PCBP3: variants seen among roughly 807,000 people sequenced by gnomAD.
PCBP3 encodes the protein poly(rC) binding protein 3.
A neutral mutation model predicts 52.7 loss-of-function variants in PCBP3; 25 were observed. The observed-to-expected ratio is 0.47, with a 90% CI of 0.35 to 0.66. The LOEUF is 0.66. Ranked by LOEUF, PCBP3 falls within the 30% of genes least tolerant of loss-of-function variation. PCBP3 has a pLI of 0.01. For missense variants in PCBP3, 391 were observed against 490.3 expected, an observed-to-expected ratio of 0.80 and a Z score of 1.91; for synonymous variants, 162 against 183.0, an observed-to-expected ratio of 0.89 and a Z score of 0.93.
chr21:45,878,952 T>C (rs1439198599), intron 5 of PCBP3, among the ~76,000 whole-genome samples: 1 of 152,018 alleles, frequency 6.6e-6, no homozygotes, highest in Non-Finnish European at 1.5e-5. Flanking sequence ...AATGGAAAAA[T>C]AGGAACTCTA....
chr21:45,739,160 C>T lies in PCBP3; in HGVS notation c.-162+3731C>T, dbSNP rs112485701. ...CAGCCCACCCCTTCCTGTCCATTGTCCTCTGGGTGGCCCTCCCCCATCTTC... is the reference window on the plus strand; with the variant it reads ...CAGCCCACCCCTTCCTGTCCATTGTTCTCTGGGTGGCCCTCCCCCATCTTC... On this transcript the variant is annotated intron_variant, in intron 3 of 17. Coordinates refer to ENST00000681687, the MANE Select transcript of PCBP3 (RefSeq NM_001384156.1). Among the ~76,000 whole-genome samples the T allele has an allele frequency of 3.6e-5, 4 of 110,762 alleles. No individual in the cohort carries two copies. In the South Asian group the frequency reaches 1.5e-3, roughly 42 times the overall value. 72.7% of individuals were successfully genotyped at this position (110,762 alleles called of 152,430 possible). A position where few individuals can be genotyped will look rare whatever the true frequency, so the allele number is the denominator to read the frequency against.
intron 5 of PCBP3, among the ~76,000 whole-genome samples, chr21:45,876,512 G>A (rs2095261001): frequency 6.6e-6 from 1 of 152,168 alleles, no homozygotes; most frequent in Non-Finnish European, 1.5e-5. Context: ...GGAGCAGGCT[G>A]TTCAGAATGC....
rs1603445171 is a variant in PCBP3 at position 45,827,123 on chromosome 21, G to A, written c.-125-22838G>A. 6.6e-6 allele frequency among the ~76,000 whole-genome samples: 1 copy of A among 152,120 alleles called. No individual in the cohort carries two copies. Among genetic ancestry groups the A allele is most frequent in the Admixed American group, 6.5e-5 (1 of 15,274 alleles). ...ACTCCCGCGTCCCTGGGGACCACACGGGGACTGGAGCTCCCTACCTGCTCA... is the reference window on the plus strand; with the variant it reads ...ACTCCCGCGTCCCTGGGGACCACACAGGGACTGGAGCTCCCTACCTGCTCA... On this transcript the variant is annotated intron_variant, in intron 4 of 17. Coordinates refer to ENST00000681687, the MANE Select transcript of PCBP3 (RefSeq NM_001384156.1). This position sits in a 1 kb window ranked among gnomAD's most constrained non-coding sequence, Gnocchi z 4.3.
At chr21:45,912,476 C>A (rs1411673799) in intron 11 of PCBP3, among the ~76,000 whole-genome samples, 2 of 152,160 alleles carry the variant, frequency 1.3e-5, no homozygotes, top group Non-Finnish European at 2.9e-5. Flanking sequence ...AGTGGGCATG[C>A]CTCACCTCAC....
At chr21:45,794,076 A>T (rs963462973) in intron 4 of PCBP3, among the ~76,000 whole-genome samples, 1 of 152,214 alleles carries the variant, frequency 6.6e-6, no homozygotes, top group Non-Finnish European at 1.5e-5. Flanking sequence ...AATCTCAAGC[A>T]TATGTATCTG....
intron 2 of PCBP3, among the ~76,000 whole-genome samples, chr21:45,696,574 T>C (rs1382908120): frequency 6.6e-6 from 1 of 151,958 alleles, no homozygotes; most frequent in East Asian, 1.9e-4. Context: ...GGGTGGATCA[T>C]GAGGTCAAGA....
At chr21:45,752,935 A>G (rs2087663436) in intron 3 of PCBP3, 1 of 147,670 alleles carries the variant, frequency 6.8e-6, no homozygotes, top group African/African-American at 2.5e-5. Flanking sequence ...GGAGTTCAAG[A>G]CAAACCTAGG....
rs568823708 is a variant in PCBP3 at position 45,833,476 on chromosome 21, A to C, written c.-125-16485A>C. Among the ~76,000 whole-genome samples the C allele has an allele frequency of 3.3e-5, 5 of 152,276 alleles. No individual in the cohort carries two copies. In the South Asian group the frequency reaches 1.0e-3, roughly 32 times the overall value. ...TGCATGCCAGGCTCAGAACTTTCCC[A>C]CGTTGGCCCCTGGCAGCTTATTCAC... On this transcript the variant is annotated intron_variant, in intron 4 of 17. Transcript: ENST00000681687.
chr21:45,787,845 A>G (rs928447572), intron 4 of PCBP3, among the ~76,000 whole-genome samples: 7 of 152,254 alleles, frequency 4.6e-5, no homozygotes, highest in African/African-American at 1.7e-4. Context: ...TATTTCTGCT[A>G]TAACTGAGGA....
At chr21:45,757,067 T>C (rs191916539) in intron 4 of PCBP3, among the ~76,000 whole-genome samples, 1 of 152,366 alleles carries the variant, frequency 6.6e-6, no homozygotes. Context: ...TGTAGTGTCA[T>C]ATCTTAACTC....
chr21:45,746,640 C>T (rs1394602518), intron 3 of PCBP3, among the ~76,000 whole-genome samples: 1 of 58,248 alleles, frequency 1.7e-5, no homozygotes, highest in Non-Finnish European at 3.4e-5. Context: ...GTGTCAGCAT[C>T]GCCGTGTCAG....
Position 45,646,107 on chromosome 21 carries a change from CTGTGTGTGTGTG to C in PCBP3, c.-279+2267_-279+2278del, listed in dbSNP as rs765931494. On this transcript the variant is annotated intron_variant, in intron 1 of 17. Transcript: ENST00000681687. ...TTTCTCTCTCTCTCTCTCTCTCTCT[CTGTGTGTGTGTG>C]TGTGTGTGTGTGTGTGTGTGTGTGT... is the stretch of plus-strand genomic sequence containing the variant. Among the ~76,000 whole-genome samples, 588 of 83,772 alleles carry C rather than the reference CTGTGTGTGTGTG, an allele frequency of 7.0e-3. 3 individuals are homozygous for C. Among genetic ancestry groups the C allele is most frequent in the African/African-American group, 0.027 (561 of 20,960 alleles). 55.0% of individuals were successfully genotyped at this position (83,772 alleles called of 152,430 possible).
At chr21:45,916,199 C>T (rs116302816) in intron 12 of PCBP3, 145 of 152,412 alleles carry the variant, frequency 9.5e-4, no homozygotes, top group African/African-American at 3.3e-3. Flanking sequence ...TGGTTCAGCT[C>T]AGACAGTTGG....
intron 2 of PCBP3, among the ~76,000 whole-genome samples, chr21:45,725,704 C>CA (rs1273551195): frequency 6.6e-6 from 1 of 152,164 alleles, no homozygotes; most frequent in Non-Finnish European, 1.5e-5. Context: ...GCACATGCTA[C>CA]ATGGAGAGCA....
At position 45,704,867 on chromosome 21, in the gene PCBP3, T is replaced by C. The variant is rs1216438128; in HGVS notation, c.-199-30525T>C. Among the ~76,000 whole-genome samples, 1 of 152,216 alleles carries C rather than the reference T, an allele frequency of 6.6e-6. No homozygotes were observed. Among genetic ancestry groups the C allele is most frequent in the Non-Finnish European group, 1.5e-5 (1 of 68,034 alleles). ...AGGTAGACGACACAGGGCGCTGCTG[T>C]CTGCTGAATACATGATGGCAGTTGA... On this transcript the variant is annotated intron_variant, in intron 2 of 17. Transcript: ENST00000681687. This position sits in a 1 kb window ranked among gnomAD's most constrained non-coding sequence, Gnocchi z 4.1.
chr21:45,873,532 TA>T (rs1261607099), intron 5 of PCBP3, among the ~76,000 whole-genome samples: 1 of 152,112 alleles, frequency 6.6e-6, no homozygotes, highest in Non-Finnish European at 1.5e-5. Flanking sequence ...CAGCTCTGTG[TA>T]AATGGTGTCC....
chr21:45,756,883 A>G (rs2088102750), intron 4 of PCBP3, among the ~76,000 whole-genome samples: 1 of 152,090 alleles, frequency 6.6e-6, no homozygotes, highest in Non-Finnish European at 1.5e-5. Flanking sequence ...GATGGACCAC[A>G]TTTTGTTTAT....
At chr21:45,751,577 T>C (rs73907870) in intron 3 of PCBP3, 3,426 of 152,484 alleles carry the variant, frequency 0.022, 121 homozygotes, top group East Asian at 0.12. Context: ...GGTGGGATGA[T>C]GACGTAGTTT....
intron 3 of PCBP3, among the ~76,000 whole-genome samples, chr21:45,745,858 C>G (rs2086790803): frequency 6.6e-6 from 1 of 152,234 alleles, no homozygotes; most frequent in Admixed American, 6.5e-5. Context: ...GGCGCACTTG[C>G]AAGAGTGTTG....
Sources: allele counts gnomAD v4.1 joint callset (sites outside exome capture counted in the v4.1 genomes callset), GRCh38; gene constraint gnomAD v4.1.1; non-coding constraint Gnocchi (gnomAD v3.1); transcripts MANE v1.5; gene names NCBI Gene and HGNC (gene_info 2026-07-23, HGNC 2026-07-21).